SLC39A4: variants seen among roughly 807,000 people sequenced by gnomAD.
SLC39A4 encodes zinc transporter ZIP4.
In SLC39A4, 49 loss-of-function variants were observed where a neutral mutation model predicts 56.6. The ratio of observed to expected loss-of-function variants is 0.87; its 90% CI spans 0.69 to 1.10. The LOEUF (loss-of-function observed/expected upper bound fraction) is 1.10, where lower values mean the gene tolerates loss of function less well. SLC39A4 is among the 50% of genes least tolerant of loss of function. SLC39A4 has a pLI of 0.00. For synonymous variants in SLC39A4, 540 were observed against 420.4 expected (o/e 1.28, Z -3.48); for missense variants, 993 against 864.2 (o/e 1.15, Z -1.87).
chr8:144,412,834 T>C lies in SLC39A4; in HGVS notation c.1740A>G (p.Gly580=). 1.2e-6 allele frequency: 2 copies of C among 1,612,812 alleles called. No homozygotes were observed. The highest frequency in any genetic ancestry group is 1.7e-6 in the Non-Finnish European group (2 of 1,179,894). The part of the protein sequence containing the change: ...FAGLYVALAV[G]VSEESEAWIL... ...TCCAGGCCTCGCTCTCCTCGCTGAC[T>C]CCAACCGCGAGTGCCACGTAGAGAC... Residue 580 remains glycine, a synonymous_variant, in exon 11 of 12, where the codon GGA becomes GGG. Coordinates refer to ENST00000301305, the MANE Select transcript of SLC39A4 (RefSeq NM_130849.4).
Position 144,413,967 on chromosome 8 carries a change from C to A in SLC39A4, c.1278G>T (p.Arg426Ser), listed in dbSNP as rs782690024. 6.2e-7 allele frequency: 1 copy of A among 1,610,580 alleles called. No individual in the cohort carries two copies. The change falls in exon 7 of 12, where the codon AGG (arginine) becomes AGT (serine). Residue 426 changes from arginine to serine, a missense_variant. Coordinates refer to ENST00000301305, the MANE Select transcript of SLC39A4 (RefSeq NM_130849.4). Reference protein sequence around the residue: ...FENLFNLLLPRDPEDLEDGPC... With the variant: ...FENLFNLLLPSDPEDLEDGPC... ...TCCCAAGAAGCCTGACCTCCGGGTC[C>A]CTGGGCAGCAGGAGATTGAAGAGGT...
At chr8:144,414,513 GCAGGCCGTCAGTGTGGGC>G in intron 5 of SLC39A4, 79 bp from the exon 6 acceptor site, 1 of 1,542,694 alleles carries the variant, frequency 6.5e-7, no homozygotes, top group Admixed American at 2.0e-5. Context: ...CACCAGAGCT[GCAGGCCGTCAGTGTGGGC>G]CAGGCCCTCA....
In SLC39A4 at chr8:144,412,760, A is replaced by T. The variant is rs1183371438; in HGVS notation, c.1814T>A (p.Met605Lys). The T allele has an allele frequency of 6.2e-7, 1 of 1,613,228 alleles. No homozygotes were observed. The highest frequency in any genetic ancestry group is 8.5e-7 in the Non-Finnish European group (1 of 1,179,926). Residue 605 changes from methionine (M) to lysine (K), a missense_variant and splice_region_variant, in exon 11 of 12, where the codon ATG (methionine) becomes AAG (lysine). Met to Lys is a moderately conservative substitution (Grantham distance 95). Coordinates refer to ENST00000301305, the MANE Select transcript of SLC39A4 (RefSeq NM_130849.4). ...AGCCCCTCCCCTCGCCATCCTGACC[A>T]TGTCGCAGAGTGCTACGTAGAGGAA... ...GLFLYVALCD[M>K]LPAMLKVRDP...
At position 144,413,422 on chromosome 8, in the gene SLC39A4, C is replaced by T. The variant is rs951655372; in HGVS notation, c.1475-33G>A. 3 of 1,602,420 alleles carry T rather than the reference C, an allele frequency of 1.9e-6. No homozygotes were observed. In the African/African-American group the frequency reaches 4.0e-5, roughly 21 times the overall value. Reference sequence around the variant, plus strand: ...CGCAGAGGCCCGTGGGTTCGCGTGGCCTGTCGCCTACCGCCAAGCCTTGGG... The same window carrying T: ...CGCAGAGGCCCGTGGGTTCGCGTGGTCTGTCGCCTACCGCCAAGCCTTGGG... On this transcript the variant is annotated intron_variant, in intron 9 of 11. Transcript: ENST00000301305.
At chr8:144,416,112 G>C in intron 1 of SLC39A4, 21 bp from the exon 2 acceptor site, 1 of 1,600,482 alleles carries the variant, frequency 6.2e-7, no homozygotes, top group Non-Finnish European at 8.5e-7. Flanking sequence ...AGACAAGTGA[G>C]CAGGGGCGCT....
At position 144,412,606 on chromosome 8, in the gene SLC39A4, C is replaced by G; in HGVS notation, c.1876G>C (p.Val626Leu). The stretch of plus-strand genomic sequence containing the variant: ...ACGGTCCAGCCGCCCAGCAGGCCCA[C>G]GTTGTGCAGCAGGAAGAGGAGCCAG... Reference protein sequence around the residue: ...RPWLLFLLHNVGLLGGWTVLL... With the variant: ...RPWLLFLLHNLGLLGGWTVLL... Residue 626 changes from valine (V) to leucine (L), a missense_variant, in exon 12 of 12, where the codon GTG (valine) becomes CTG (leucine). Physicochemically the swap from Val to Leu is conservative, Grantham distance 32. Transcript: ENST00000301305. 6.2e-7 allele frequency: 1 copy of G among 1,614,138 alleles called. No homozygotes were observed. Among genetic ancestry groups the G allele is most frequent in the Non-Finnish European group, 8.5e-7 (1 of 1,180,028 alleles).
At chr8:144,414,194 G>T in intron 6 of SLC39A4, 68 bp downstream of exon 6, 1 of 1,583,162 alleles carries the variant, frequency 6.3e-7, no homozygotes, top group Non-Finnish European at 8.6e-7. Context: ...AAGGTCCCTG[G>T]GAGGGCACGG....
rs1554872654 is a variant in SLC39A4 at position 144,413,843 on chromosome 8, G to T, written c.1326C>A (p.Ser442Arg). ...ACACACCGTGGCTGTGGCCCCCGTGGCTATGGCTGCTGTGGCCGCAGGGCC... is the reference window on the plus strand; with the variant it reads ...ACACACCGTGGCTGTGGCCCCCGTGTCTATGGCTGCTGTGGCCGCAGGGCC... ...EDGPCGHSSH[S>R]HGGHSHGVSL... Residue 442 changes from serine to arginine, a missense_variant, in exon 8 of 12, where the codon AGC becomes AGA. Ser to Arg is a moderately radical substitution (Grantham distance 110, BLOSUM62 -1). Transcript: ENST00000301305. 1.3e-6 allele frequency: 2 copies of T among 1,597,108 alleles called. No individual in the cohort carries two copies. Among genetic ancestry groups the T allele is most frequent in the Non-Finnish European group, 8.5e-7 (1 of 1,175,396 alleles).
In SLC39A4 at chr8:144,412,939, G is replaced by A. The variant is rs782100546; in HGVS notation, c.1635C>T (p.Phe545=). 4 of 1,599,640 alleles carry A rather than the reference G, an allele frequency of 2.5e-6. No homozygotes were observed. Among genetic ancestry groups the A allele is most frequent in the East Asian group, 2.2e-5 (1 of 44,582 alleles). Residue 545 remains phenylalanine (F), a synonymous_variant, in exon 11 of 12, where the codon TTC becomes TTT. Coordinates refer to ENST00000301305, the MANE Select transcript of SLC39A4 (RefSeq NM_130849.4). ...ACAGCCCCGCGTGCAGCAAGGCGGC[G>A]AAGTCCCCTGCGGGCGAGTCCACAT... ...CHELPHELGD[F]AALLHAGLSV...
In SLC39A4 at chr8:144,414,323, G is replaced by C. The variant is rs1237448973; in HGVS notation, c.1088C>G (p.Thr363Ser). ...CRGVTHYILQ[T>S]FLSLAVGAVT... is the part of the protein sequence containing the mutation. Reference sequence around the variant, plus strand: ...TGCACCCACTGCCAGGCTCAGGAAGGTCTGCAGGATGTAGTGGGTGACCCC... The same window carrying C: ...TGCACCCACTGCCAGGCTCAGGAAGCTCTGCAGGATGTAGTGGGTGACCCC... Residue 363 changes from threonine to serine, a missense_variant, in exon 6 of 12, where the codon ACC becomes AGC. Transcript: ENST00000301305. 6.2e-7 allele frequency: 1 copy of C among 1,603,400 alleles called. No individual in the cohort carries two copies. Among genetic ancestry groups the C allele is most frequent in the Non-Finnish European group, 8.5e-7 (1 of 1,176,470 alleles).
In SLC39A4 at chr8:144,413,346, C is replaced by T. The variant is rs1554872297; in HGVS notation, c.1518G>A (p.Val506=). Residue 506 remains valine (V), a synonymous_variant, in exon 10 of 12, where the codon GTG becomes GTA. Coordinates refer to ENST00000301305, the MANE Select transcript of SLC39A4 (RefSeq NM_130849.4). ...LPYMITLGDA[V]HNFADGLAVG... is the part of the protein sequence containing the mutation. ...CGGCCAGCCCGTCGGCGAAGTTGTGCACGGCGTCGCCCAGAGTGATCATAT... is the reference window on the plus strand; with the variant it reads ...CGGCCAGCCCGTCGGCGAAGTTGTGTACGGCGTCGCCCAGAGTGATCATAT... The T allele has an allele frequency of 6.2e-7, 1 of 1,606,892 alleles. No individual in the cohort carries two copies. The highest frequency in any genetic ancestry group is 1.1e-5 in the South Asian group (1 of 90,728).
rs200773351 is a variant in SLC39A4, at chr8:144,416,736, C to T, written c.54G>A (p.Val18=). The T allele has an allele frequency of 2.5e-6, 4 of 1,612,654 alleles. No homozygotes were observed. In the East Asian group the frequency reaches 6.7e-5, roughly 27 times the overall value. ...CAGCAGGCGGGGACGCCGTCGCCGT[C>T]ACCACCAGCACAGCCAGAAGCAGCC... ...ELGLLLAVLV[V]TATASPPAGL... is the part of the protein sequence containing the mutation. The change falls in exon 1 of 12, where the codon GTG becomes GTA. Residue 18 remains valine, a synonymous_variant. Transcript: ENST00000301305.
chr8:144,412,644 C>A lies in SLC39A4; in HGVS notation c.1838G>T (p.Arg613Leu). Residue 613 changes from arginine (R) to leucine (L), a missense_variant, in exon 12 of 12, where the codon CGG (arginine) becomes CTG (leucine). Coordinates refer to ENST00000301305, the MANE Select transcript of SLC39A4 (RefSeq NM_130849.4). ...CDMLPAMLKV[R>L]DPRPWLLFLL... is the part of the protein sequence containing the mutation. ...GAAGAGGAGCCAGGGCCGCGGGTCC[C>A]GTACTTTCAACATCGCCGGGAGCTG... The A allele has an allele frequency of 6.2e-7, 1 of 1,614,048 alleles. No individual in the cohort carries two copies. The highest frequency in any genetic ancestry group is 2.2e-5 in the East Asian group (1 of 44,884).
Position 144,416,667 on chromosome 8 carries a change from T to C in SLC39A4, c.123A>G (p.Gln41=). 6.2e-7 allele frequency: 1 copy of C among 1,611,674 alleles called. No individual in the cohort carries two copies. Among genetic ancestry groups the C allele is most frequent in the Non-Finnish European group, 8.5e-7 (1 of 1,179,464 alleles). Residue 41 remains glutamine (Q), a synonymous_variant, in exon 1 of 12, where the codon CAA becomes CAG. Coordinates refer to ENST00000301305, the MANE Select transcript of SLC39A4 (RefSeq NM_130849.4). ...LLTSGQGALD[Q]EALGGLLNTL... ...TATTTAACAGGCCGCCCAGAGCCTC[T>C]TGATCCAGAGCGCCCTGGCCAGAGG...
chr8:144,414,276 G>A lies in SLC39A4; in HGVS notation c.1135C>T (p.His379Tyr), dbSNP rs781832254. The A allele has an allele frequency of 6.2e-7, 1 of 1,609,034 alleles. No individual in the cohort carries two copies. Among genetic ancestry groups the A allele is most frequent in the Non-Finnish European group, 8.5e-7 (1 of 1,178,742 alleles). ...TGGGGGCAGACCTTGGGCGTCAGAT[G>A]CAGGACAGCGTCCCCAGTGACTGCA... ...VGAVTGDAVLHLTPKVLGLHT... is the reference protein window; with the variant it reads ...VGAVTGDAVLYLTPKVLGLHT... The change falls in exon 6 of 12, where the codon CAT becomes TAT. Residue 379 changes from histidine (H) to tyrosine (Y), a missense_variant. Coordinates refer to ENST00000301305, the MANE Select transcript of SLC39A4 (RefSeq NM_130849.4).
Position 144,413,285 on chromosome 8 carries a change from G to C in SLC39A4, c.1579C>G (p.Leu527Val). The C allele has an allele frequency of 1.2e-6, 2 of 1,600,028 alleles. No individual in the cohort carries two copies. The highest frequency in any genetic ancestry group is 1.7e-6 in the Non-Finnish European group (2 of 1,177,316). Residue 527 changes from leucine to valine, a missense_variant, in exon 10 of 12, where the codon CTG (leucine) becomes GTG (valine). Coordinates refer to ENST00000301305, the MANE Select transcript of SLC39A4 (RefSeq NM_130849.4). Reference sequence around the variant, plus strand: ...CAGAACACGGCCAGCGAGGTGGCCAGCCCGGTCTTCCAGGAGGACGCGAAG... The same window carrying C: ...CAGAACACGGCCAGCGAGGTGGCCACCCCGGTCTTCCAGGAGGACGCGAAG... ...AAFASSWKTG[L>V]ATSLAVFCHE...
chr8:144,416,010 A>G lies in SLC39A4; in HGVS notation c.274T>C (p.Tyr92His), dbSNP rs1554873895. 1.9e-6 allele frequency: 3 copies of G among 1,580,130 alleles called. No homozygotes were observed. Residue 92 changes from tyrosine (Y) to histidine (H), a missense_variant, in exon 2 of 12, where the codon TAC becomes CAC. Coordinates refer to ENST00000301305, the MANE Select transcript of SLC39A4 (RefSeq NM_130849.4). Reference protein sequence around the residue: ...LPPGPVLEARYVARLSAAAVL... With the variant: ...LPPGPVLEARHVARLSAAAVL... Reference sequence around the variant, plus strand: ...GCGGCGGCACTGAGGCGGGCGACGTACCTGGCCTCCAGGACCGGGCCCGGG... The same window carrying G: ...GCGGCGGCACTGAGGCGGGCGACGTGCCTGGCCTCCAGGACCGGGCCCGGG...
At chr8:144,414,116 G>A in intron 6 of SLC39A4, 21 bp from the exon 7 acceptor site, 1 of 1,554,682 alleles carries the variant, frequency 6.4e-7, no homozygotes, top group Non-Finnish European at 8.7e-7. Flanking sequence ...GGGGCGCTGG[G>A]CTGGGGGGGA....
chr8:144,413,403 G>A lies in SLC39A4; in HGVS notation c.1475-14C>T, dbSNP rs375759051. 88 of 1,607,812 alleles carry A rather than the reference G, an allele frequency of 5.5e-5. No individual in the cohort carries two copies. The African/African-American group carries it at 1.1e-3, about 20-fold the overall frequency. Reference sequence around the variant, plus strand: ...GTAGCCTCAACTCTGCGGGCGCAGAGGCCCGTGGGTTCGCGTGGCCTGTCG... The same window carrying A: ...GTAGCCTCAACTCTGCGGGCGCAGAAGCCCGTGGGTTCGCGTGGCCTGTCG... On this transcript the variant is annotated splice_polypyrimidine_tract_variant and intron_variant, in intron 9 of 11. Coordinates refer to ENST00000301305, the MANE Select transcript of SLC39A4 (RefSeq NM_130849.4).
Sources: gnomAD v4.1 joint callset for allele counts on GRCh38, gnomAD v4.1.1 for gene constraint, MANE v1.5 for transcripts, NCBI Gene and HGNC (gene_info 2026-07-23, HGNC 2026-07-21) for gene names.